Variants in NFXL1 observed in about 807,000 individuals in gnomAD.
NFXL1 encodes nuclear transcription factor, X-box binding like 1.
A neutral mutation model predicts 123.3 loss-of-function variants in NFXL1; 66 were observed. The observed-to-expected ratio is 0.54, with a 90% confidence interval of 0.44 to 0.66. The LOEUF (loss-of-function observed/expected upper bound fraction) is 0.66. Among genes scored for constraint, NFXL1 ranks in the 30% least tolerant of loss-of-function variants. The probability of loss-of-function intolerance (pLI) is 0.00; values close to 1 mark genes in which losing one functional copy is unlikely to be tolerated. For synonymous variants in NFXL1, 346 were observed against 360.8 expected (o/e 0.96, Z 0.46); for missense variants, 944 against 1,125.6 (o/e 0.84, Z 2.31).
chr4:47,868,243 C>T (rs1462887548), intron 18 of NFXL1, among the ~76,000 whole-genome samples: 1 of 151,070 alleles, frequency 6.6e-6, no homozygotes, highest in Non-Finnish European at 1.5e-5. Flanking sequence ...GGCGTGAACT[C>T]GGGAAGCGGA....
At chr4:47,908,621 T>C (rs893792892) in intron 3 of NFXL1, among the ~76,000 whole-genome samples, 1 of 128,740 alleles carries the variant, frequency 7.8e-6, no homozygotes, top group Non-Finnish European at 1.8e-5. Context: ...GAGCTTAGGA[T>C]GTGGGGCCTT....
upstream of NFXL1, chr4:47,914,627 C>T (rs551606681): frequency 2.5e-3 from 401 of 161,244 alleles, 4 homozygotes; most frequent in Middle Eastern, 5.7e-3. Context: ...TGCGCACGCC[C>T]CCAACAGACT....
intron 15 of NFXL1, among the ~76,000 whole-genome samples, chr4:47,883,301 C>A (rs1736228700): frequency 1.3e-5 from 2 of 151,960 alleles, no homozygotes; most frequent in Admixed American, 1.3e-4. Flanking sequence ...GTACTTATGA[C>A]CTAATTACTC....
At chr4:47,893,438 TTAA>T (rs1405297776) in intron 11 of NFXL1, among the ~76,000 whole-genome samples, 2 of 151,944 alleles carry the variant, frequency 1.3e-5, no homozygotes, top group African/African-American at 2.4e-5. Flanking sequence ...GAGAAAGATC[TTAA>T]TAACCAGACA....
At chr4:47,858,739 G>C (rs1282556982) in intron 19 of NFXL1, among the ~76,000 whole-genome samples, 1 of 152,180 alleles carries the variant, frequency 6.6e-6, no homozygotes, top group Admixed American at 6.5e-5. Context: ...CTATAGGATA[G>C]AGGATGGGAA....
chr4:47,868,194 C>A (rs1242743699), intron 18 of NFXL1, among the ~76,000 whole-genome samples: 3 of 152,068 alleles, frequency 2.0e-5, no homozygotes, highest in Non-Finnish European at 2.9e-5. Flanking sequence ...CGGCGGGCAC[C>A]TGTAGTCCCA....
In NFXL1 at chr4:47,850,980, T is replaced by C. The variant is rs1461004241; in HGVS notation, c.2562+115A>G. The C allele has an allele frequency of 5.5e-6, 4 of 724,720 alleles. No homozygotes were observed. In the East Asian group the frequency reaches 1.1e-4, roughly 19 times the overall value. The allele number at this position is 724,720 out of a possible 1,614,324, so 44.9% of individuals were successfully genotyped here. A position where few individuals can be genotyped will look rare whatever the true frequency, so the allele number is the denominator to read the frequency against. On this transcript the variant is annotated intron_variant, in intron 22 of 22. Coordinates refer to ENST00000507489, the MANE Select transcript of NFXL1 (RefSeq NM_001278624.2). The stretch of plus-strand genomic sequence containing the variant: ...CATTTTTGTTTTACAAGAACTGTTA[T>C]TTTCAGTTCACAATAGAGACTAGAC...
chr4:47,896,448 C>A, intron 10 of NFXL1, 75 bp downstream of exon 10: 1 of 1,196,048 alleles, frequency 8.4e-7, no homozygotes. Context: ...TAATAGAAAA[C>A]AACCACAGGA....
intron 18 of NFXL1, 24 bp downstream of exon 18, chr4:47,875,103 A>C: frequency 6.6e-7 from 1 of 1,504,940 alleles, no homozygotes; most frequent in South Asian, 1.2e-5. Flanking sequence ...TAATAAAATA[A>C]GACTTTTTTT....
At chr4:47,871,209 T>C (rs762046400) in intron 18 of NFXL1, among the ~76,000 whole-genome samples, 6 of 152,134 alleles carry the variant, frequency 3.9e-5, no homozygotes, top group African/African-American at 1.2e-4. Flanking sequence ...AAAAATTAGC[T>C]GGGCGTGGTG....
intron 5 of NFXL1, among the ~76,000 whole-genome samples, chr4:47,900,401 G>C (rs537281321): frequency 5.3e-5 from 8 of 152,218 alleles, no homozygotes; most frequent in African/African-American, 1.9e-4. Context: ...AGTAGATCCG[G>C]GGTTTTGCCA....
chr4:47,910,530 C>T (rs114767061), intron 3 of NFXL1, among the ~76,000 whole-genome samples: 3,825 of 152,220 alleles, frequency 0.025, 69 homozygotes, highest in Middle Eastern at 0.078. Flanking sequence ...CCCAGTCCAC[C>T]GCTCAGGAGC....
chr4:47,855,887 GTCTC>G (rs944799769), intron 19 of NFXL1, among the ~76,000 whole-genome samples: 3 of 152,062 alleles, frequency 2.0e-5, no homozygotes, highest in African/African-American at 7.2e-5. Flanking sequence ...AATGTTCATG[GTCTC>G]TCTGTCTATT....
chr4:47,882,878 C>T (rs1736198633), intron 15 of NFXL1, among the ~76,000 whole-genome samples: 4 of 152,136 alleles, frequency 2.6e-5, no homozygotes, highest in Admixed American at 2.0e-4. Flanking sequence ...AATAGTTCTT[C>T]TTTACTCCAA....
At chr4:47,900,251 C>T (rs1176802579) in intron 5 of NFXL1, among the ~76,000 whole-genome samples, 2 of 151,944 alleles carry the variant, frequency 1.3e-5, no homozygotes, top group African/African-American at 2.4e-5. Context: ...ACTCTGTCAC[C>T]CAGGCTGGAG....
intron 9 of NFXL1, 118 bp downstream of exon 9, chr4:47,897,849 G>C: frequency 1.7e-6 from 1 of 599,110 alleles, no homozygotes; most frequent in Non-Finnish European, 2.8e-6. Flanking sequence ...AGCTTTTTCA[G>C]ACTGGCTTCT....
chr4:47,885,747 T>C, intron 13 of NFXL1, 90 bp from the exon 14 acceptor site: 2 of 1,362,754 alleles, frequency 1.5e-6, no homozygotes, highest in Admixed American at 1.9e-5. Flanking sequence ...TATCTTCTGA[T>C]TCCATATAGA....
At chr4:47,901,559 A>T (rs1219593898) in intron 5 of NFXL1, among the ~76,000 whole-genome samples, 2 of 152,252 alleles carry the variant, frequency 1.3e-5, no homozygotes, top group African/African-American at 4.8e-5. Flanking sequence ...CCAGTAAATA[A>T]TATGCAGGAG....
chr4:47,898,058 A>C lies in NFXL1; in HGVS notation c.1113T>G (p.Cys371Trp). The stretch of plus-strand genomic sequence containing the variant: ...AAACTTGCTCACATGTGTGATTACC[A>C]CATGGCAGTGTTTTTCCACATACCT... The part of the protein sequence containing the change: ...CDQVCGKTLP[C>W]GNHTCEQVCH... Residue 371 changes from cysteine to tryptophan, a missense_variant, in exon 9 of 23, where the codon TGT becomes TGG. By Grantham distance (215) the Cys-to-Trp change is radical (BLOSUM62 -2). Transcript: ENST00000507489. 2 of 1,606,890 alleles carry C rather than the reference A, an allele frequency of 1.2e-6. No individual in the cohort carries two copies. Among genetic ancestry groups the C allele is most frequent in the Non-Finnish European group, 1.7e-6 (2 of 1,177,464 alleles).
Sources: allele counts gnomAD v4.1 joint callset (sites outside exome capture counted in the v4.1 genomes callset), GRCh38; gene constraint gnomAD v4.1.1; transcripts MANE v1.5; gene names NCBI Gene and HGNC (gene_info 2026-07-23, HGNC 2026-07-21).